CCDC146: variants seen among roughly 807,000 people sequenced by gnomAD.
CCDC146 encodes the protein coiled-coil domain-containing protein 146.
A neutral mutation model predicts 119.3 loss-of-function variants in CCDC146; 92 were observed. That is an observed-to-expected ratio of 0.77 (90% confidence interval 0.65 to 0.92). CCDC146 has a LOEUF of 0.92. Among genes scored for constraint, CCDC146 ranks in the 40% least tolerant of loss-of-function variants. CCDC146 has a pLI of 0.00. For synonymous variants in CCDC146, 372 were observed against 371.8 expected (o/e 1.00, Z -0.01); for missense variants, 1,000 against 1,103.0 (o/e 0.91, Z 1.32).
At chr7:77,289,976 A>AT (rs1185540856) in intron 17 of CCDC146, among the ~76,000 whole-genome samples, 1 of 152,222 alleles carries the variant, frequency 6.6e-6, no homozygotes, top group Non-Finnish European at 1.5e-5. Context: ...ACAATAGCAA[A>AT]GACTTGGAAC....
At chr7:77,197,905 G>T (rs1165070481) in intron 2 of CCDC146, among the ~76,000 whole-genome samples, 1 of 152,142 alleles carries the variant, frequency 6.6e-6, no homozygotes, top group Non-Finnish European at 1.5e-5. Flanking sequence ...GAATCAGACA[G>T]ATATTTACTC....
rs757895119 is a variant in CCDC146, at chr7:77,260,180, A to C, written c.930A>C (p.Gln310His). The C allele has an allele frequency of 6.2e-7, 1 of 1,614,100 alleles. No homozygotes were observed. The highest frequency in any genetic ancestry group is 2.2e-5 in the East Asian group (1 of 44,874). The change falls in exon 8 of 19, where the codon CAA becomes CAC. Residue 310 changes from glutamine (Q) to histidine (H), a missense_variant. By Grantham distance (24) the Gln-to-His change is conservative. Coordinates refer to ENST00000285871, the MANE Select transcript of CCDC146 (RefSeq NM_020879.3). ...AAATCAAAGAACGAGAACATAACCA[A>C]TTGGTCAAGCTATTGGAATTAGCCA... is the stretch of plus-strand genomic sequence containing the variant. ...LLEIKEREHN[Q>H]LVKLLELARE...
intron 1 of CCDC146, among the ~76,000 whole-genome samples, chr7:77,162,260 A>G (rs1156298690): frequency 6.6e-6 from 1 of 152,000 alleles, no homozygotes. Flanking sequence ...GTTTTCTTCT[A>G]GGAGTTTTAT....
At chr7:77,166,866 T>C (rs1791344794) in intron 1 of CCDC146, among the ~76,000 whole-genome samples, 1 of 152,178 alleles carries the variant, frequency 6.6e-6, no homozygotes, top group Admixed American at 6.5e-5. Context: ...TTTTCGAAGC[T>C]GGTGTTAGCA....
chr7:77,290,332 A>C (rs914387157), intron 17 of CCDC146, among the ~76,000 whole-genome samples: 1 of 152,114 alleles, frequency 6.6e-6, no homozygotes, highest in African/African-American at 2.4e-5. Flanking sequence ...CATATGTAAC[A>C]AATCTGCACG....
chr7:77,197,040 T>A (rs1219085196), intron 2 of CCDC146: 5 of 1,058,812 alleles, frequency 4.7e-6, no homozygotes, highest in Non-Finnish European at 6.9e-6. Context: ...ACCATGCATC[T>A]GAAGAATTCT....
At chr7:77,293,995 G>A (rs1212966739) in intron 18 of CCDC146, among the ~76,000 whole-genome samples, 1 of 152,154 alleles carries the variant, frequency 6.6e-6, no homozygotes, top group Non-Finnish European at 1.5e-5. Context: ...TCCTTTCAGG[G>A]CATTCAGATT....
chr7:77,224,205 G>A (rs1240402053), intron 2 of CCDC146, among the ~76,000 whole-genome samples: 3 of 152,168 alleles, frequency 2.0e-5, no homozygotes, highest in Non-Finnish European at 4.4e-5. Flanking sequence ...AGCCTCAGTT[G>A]GCTAAAATCA....
intron 2 of CCDC146, among the ~76,000 whole-genome samples, chr7:77,202,509 G>T (rs1792011526): frequency 6.6e-6 from 1 of 152,150 alleles, no homozygotes; most frequent in Non-Finnish European, 1.5e-5. Flanking sequence ...TTTGAGAACT[G>T]GCTTCTGTCC....
intron 2 of CCDC146, among the ~76,000 whole-genome samples, chr7:77,220,164 A>G (rs1792375630): frequency 6.6e-6 from 1 of 152,192 alleles, no homozygotes; most frequent in Non-Finnish European, 1.5e-5. Flanking sequence ...ACACTCCCAG[A>G]GCAGCCATTT....
rs376529141 is a variant in CCDC146 at position 77,196,394 on chromosome 7, C to A, written c.156+28570C>A. 3.1e-6 allele frequency: 5 copies of A among 1,614,008 alleles called. No homozygotes were observed. Among genetic ancestry groups the A allele is most frequent in the Non-Finnish European group, 4.2e-6 (5 of 1,180,012 alleles). ...CCAGGTACCCCAGAAAATCCCATTA[C>A]GGACACCTCTGTATTTTTGGTGATA... On this transcript the variant is annotated intron_variant, in intron 2 of 18. Transcript: ENST00000285871. This position sits in a 1 kb window ranked among gnomAD's most constrained non-coding sequence, Gnocchi z 4.2.
rs1180508782 is a variant in CCDC146 at position 77,286,850 on chromosome 7, C to T, written c.2201C>T (p.Pro734Leu). The T allele has an allele frequency of 6.2e-7, 1 of 1,613,786 alleles. No homozygotes were observed. The highest frequency in any genetic ancestry group is 1.3e-5 in the African/African-American group (1 of 74,918). The change falls in exon 16 of 19, where the codon CCT (proline) becomes CTT (leucine). Residue 734 changes from proline (P) to leucine (L), a missense_variant. Around this residue, in one of 2 missense-constraint regions of CCDC146, gnomAD observed 985 missense variants for 1,045.3 expected, o/e 0.94. Coordinates refer to ENST00000285871, the MANE Select transcript of CCDC146 (RefSeq NM_020879.3). ...GACCTGGAGAAACAGTTCGTAAAGC[C>T]TGATGGTGAGAATAGAGCTCGCTTC... ...IKDLEKQFVK[P>L]DGENRARFLP...
At chr7:77,267,301 C>G (rs928430168) in intron 9 of CCDC146, among the ~76,000 whole-genome samples, 10 of 152,072 alleles carry the variant, frequency 6.6e-5, no homozygotes, top group African/African-American at 2.2e-4. Flanking sequence ...CCCAATATTG[C>G]AAAGGATTCT....
At chr7:77,135,403 G>C (rs112473526) in intron 1 of CCDC146, among the ~76,000 whole-genome samples, 1,758 of 151,858 alleles carry the variant, frequency 0.012, 26 homozygotes, top group African/African-American at 0.04. Flanking sequence ...TGGGAAGACT[G>C]TTTGAGGCCA....
intron 1 of CCDC146, among the ~76,000 whole-genome samples, chr7:77,135,209 C>T (rs370482897): frequency 1.4e-4 from 21 of 152,034 alleles, no homozygotes; most frequent in African/African-American, 4.8e-4. Context: ...AAGTTTGGAC[C>T]AGGTGCAGTG....
intron 1 of CCDC146, among the ~76,000 whole-genome samples, chr7:77,160,911 A>G (rs1159294741): frequency 6.6e-6 from 1 of 152,226 alleles, no homozygotes; most frequent in African/African-American, 2.4e-5. Flanking sequence ...AATATCCAGA[A>G]TCTACAATGA....
chr7:77,189,106 T>A (rs746753659), intron 2 of CCDC146, among the ~76,000 whole-genome samples: 1 of 152,106 alleles, frequency 6.6e-6, no homozygotes, highest in Non-Finnish European at 1.5e-5. Flanking sequence ...AGACTAATAT[T>A]CAAATGCCTA....
At chr7:77,144,820 C>T (rs1256478438) in intron 1 of CCDC146, among the ~76,000 whole-genome samples, 3 of 151,514 alleles carry the variant, frequency 2.0e-5, no homozygotes, top group East Asian at 1.9e-4. Context: ...TCTGTTTGCC[C>T]GTATTTTATT....
chr7:77,224,732 C>A (rs1044566785), intron 2 of CCDC146, among the ~76,000 whole-genome samples: 2 of 152,128 alleles, frequency 1.3e-5, no homozygotes, highest in Non-Finnish European at 2.9e-5. Flanking sequence ...TGTTGAGGAG[C>A]CTAGACTTAA....
Sources: allele counts gnomAD v4.1 joint callset (sites outside exome capture counted in the v4.1 genomes callset), GRCh38; gene constraint gnomAD v4.1.1; regional missense constraint gnomAD v4.1.1; non-coding constraint Gnocchi (gnomAD v3.1); transcripts MANE v1.5; gene names NCBI Gene and HGNC (gene_info 2026-07-23, HGNC 2026-07-21).